Variants in CR1L observed in about 807,000 individuals in gnomAD.
CR1L encodes the protein complement component receptor 1-like protein.
A neutral mutation model predicts 62.3 loss-of-function variants in CR1L; 59 were observed. The observed-to-expected ratio is 0.95, with a 90% confidence interval of 0.77 to 1.18. The LOEUF (loss-of-function observed/expected upper bound fraction) is 1.18. Ranked by LOEUF, CR1L falls within the 50% of genes most tolerant of loss-of-function variation. The pLI is 0.00. For missense variants in CR1L, 700 were observed against 702.8 expected (o/e 1.00, Z 0.04); for synonymous variants, 279 against 248.7 (o/e 1.12, Z -1.15).
Position 207,723,703 on chromosome 1 carries a change from T to C in CR1L, c.*18T>C, listed in dbSNP as rs368150037. 11 of 1,490,990 alleles carry C rather than the reference T, an allele frequency of 7.4e-6. No individual in the cohort carries two copies. Among genetic ancestry groups the C allele is most frequent in the South Asian group, 3.6e-5 (3 of 83,600 alleles). 92.4% of individuals were successfully genotyped at this position (1,490,990 alleles called of 1,614,324 possible). A position where few individuals can be genotyped will look rare whatever the true frequency, so the allele number is the denominator to read the frequency against. On this transcript the variant is annotated 3_prime_UTR_variant, in exon 12 of 12. Transcript: ENST00000508064. ...ATCTTTAACAGTAAGTACCTACTTA[T>C]AATGAATGCAATGTAGAAAGAGAGA...
At chr1:207,675,389 G>C (rs562207229) in intron 1 of CR1L, among the ~76,000 whole-genome samples, 3 of 152,178 alleles carry the variant, frequency 2.0e-5, no homozygotes, top group Admixed American at 1.3e-4. Flanking sequence ...GCCAGGGAAG[G>C]CTTCGATAAG....
intron 5 of CR1L, 28 bp from the exon 6 acceptor site, chr1:207,697,475 T>C (rs748711369): frequency 6.2e-7 from 1 of 1,613,666 alleles, no homozygotes; most frequent in African/African-American, 1.3e-5. Flanking sequence ...TTCACACAAT[T>C]AGCAGTACTT....
At chr1:207,657,033 C>A in intron 1 of CR1L, 1 of 578,164 alleles carries the variant, frequency 1.7e-6, no homozygotes, top group Non-Finnish European at 3.1e-6. Flanking sequence ...TGTAGAAACC[C>A]TATATTGACA....
chr1:207,669,273 C>G, intron 1 of CR1L: 1 of 528,126 alleles, frequency 1.9e-6, no homozygotes, highest in Non-Finnish European at 3.4e-6. Context: ...TAAACATGGC[C>G]TTGCCCATGA....
chr1:207,683,798 T>C (rs532320475), intron 3 of CR1L, 74 bp from the exon 4 acceptor site: 1 of 1,395,160 alleles, frequency 7.2e-7, no homozygotes, highest in Admixed American at 1.7e-5. Context: ...GAGTGTAATC[T>C]CTGGAAGTAG....
At chr1:207,707,785 T>TACACACACACACACACACACACACAC (rs10523807) in intron 9 of CR1L, among the ~76,000 whole-genome samples, 4 of 126,806 alleles carry the variant, frequency 3.2e-5, no homozygotes, top group Admixed American at 7.7e-5. Flanking sequence ...GGCATAGTAT[T>TACACACACACACACACACACACACAC]ACACACACAC....
intron 10 of CR1L, chr1:207,708,948 A>C (rs111644632): frequency 2.8e-6 from 1 of 358,638 alleles, no homozygotes. Flanking sequence ...GATCAGATGA[A>C]ATTGGGTGCA....
At chr1:207,667,697 G>T (rs1663543836) in intron 1 of CR1L, among the ~76,000 whole-genome samples, 1 of 151,786 alleles carries the variant, frequency 6.6e-6, no homozygotes, top group Admixed American at 6.6e-5. Flanking sequence ...CACATTTATG[G>T]GATACAGCAA....
intron 10 of CR1L, among the ~76,000 whole-genome samples, chr1:207,710,169 C>T (rs983685127): frequency 6.6e-6 from 1 of 152,122 alleles, no homozygotes; most frequent in Non-Finnish European, 1.5e-5. Context: ...CATGACCAAA[C>T]CCCAACTCCA....
At chr1:207,646,539 C>T (rs1177386698) in intron 1 of CR1L, among the ~76,000 whole-genome samples, 1 of 151,736 alleles carries the variant, frequency 6.6e-6, no homozygotes, top group African/African-American at 2.4e-5. Context: ...GTCAAAACCC[C>T]ATGTCTACAA....
chr1:207,654,745 G>A (rs1571642668), intron 1 of CR1L, among the ~76,000 whole-genome samples: 1 of 152,108 alleles, frequency 6.6e-6, no homozygotes, highest in Non-Finnish European at 1.5e-5. Flanking sequence ...TAATCAATTA[G>A]GTAACTGAGT....
chr1:207,655,287 CTTT>C (rs372554262), intron 1 of CR1L: 1,402 of 458,906 alleles, frequency 3.1e-3, no homozygotes, highest in South Asian at 4.3e-3. Context: ...TAAGTAAATT[CTTT>C]TTTTTTTTTT....
chr1:207,686,435 T>C (rs186182697), intron 4 of CR1L, among the ~76,000 whole-genome samples: 2 of 152,160 alleles, frequency 1.3e-5, no homozygotes, highest in African/African-American at 4.8e-5. Flanking sequence ...CTTTGAAACA[T>C]GTTGAAGTTT....
chr1:207,680,896 C>A (rs1430705206), intron 3 of CR1L, among the ~76,000 whole-genome samples: 5 of 152,134 alleles, frequency 3.3e-5, no homozygotes, highest in African/African-American at 4.8e-5. Context: ...AAAATATAAT[C>A]CTGCTAAAAT....
intron 5 of CR1L, among the ~76,000 whole-genome samples, chr1:207,696,437 T>A (rs1664101907): frequency 1.3e-5 from 2 of 152,228 alleles, no homozygotes; most frequent in African/African-American, 4.8e-5. Flanking sequence ...ATTATAGTTT[T>A]AAGGTTTCCA....
intron 1 of CR1L, among the ~76,000 whole-genome samples, chr1:207,675,051 A>G (rs928399999): frequency 1.3e-5 from 2 of 152,136 alleles, no homozygotes; most frequent in African/African-American, 4.8e-5. Flanking sequence ...TGATCATTGC[A>G]ACAAATATGC....
Position 207,708,311 on chromosome 1 carries a change from G to A in CR1L, c.1414+48G>A, listed in dbSNP as rs146761631. 1.1e-3 allele frequency: 1,788 copies of A among 1,595,902 alleles called. 18 individuals are homozygous for A. In the African/African-American group the frequency reaches 0.021, roughly 18 times the overall value. ...ATTCACCCCACCATTTAACCCTAGAGTTGTCCTCCTAGAATTACAAAGAAT... is the reference window on the plus strand; with the variant it reads ...ATTCACCCCACCATTTAACCCTAGAATTGTCCTCCTAGAATTACAAAGAAT... On this transcript the variant is annotated intron_variant, in intron 10 of 11. Transcript: ENST00000508064.
chr1:207,699,114 GC>G, intron 7 of CR1L, 74 bp from the exon 8 acceptor site: 1 of 1,594,210 alleles, frequency 6.3e-7, no homozygotes, highest in Admixed American at 1.7e-5. Context: ...TGAAATTGGG[GC>G]TGGGCCTTAG....
intron 11 of CR1L, 95 bp downstream of exon 11, chr1:207,717,786 A>G (rs1020721802): frequency 6.7e-7 from 1 of 1,481,752 alleles, no homozygotes; most frequent in African/African-American, 1.4e-5. Flanking sequence ...GCTTGTGAAA[A>G]TGGCTTTGCT....
Sources: gnomAD v4.1 joint callset for allele counts (sites outside exome capture counted in the v4.1 genomes callset) on GRCh38, gnomAD v4.1.1 for gene constraint, MANE v1.5 for transcripts, NCBI Gene and HGNC (gene_info 2026-07-23, HGNC 2026-07-21) for gene names.